PTPRT: variants seen among roughly 807,000 people sequenced by gnomAD.
PTPRT encodes the protein receptor-type tyrosine-protein phosphatase T.
Under a neutral mutation model 176.8 loss-of-function variants are expected in PTPRT, and 56 were observed. That is an observed-to-expected ratio of 0.32 (90% CI 0.26 to 0.40). The LOEUF (loss-of-function observed/expected upper bound fraction) is 0.40. Among genes scored for constraint, PTPRT ranks in the 10% least tolerant of loss-of-function variants. The pLI, the probability that PTPRT is intolerant of heterozygous loss-of-function variation, is 1.00. For missense variants in PTPRT, 1,540 were observed against 1,908.2 expected (o/e 0.81, Z 3.60); for synonymous variants, 783 against 739.0 (o/e 1.06, Z -0.96).
At chr20:42,824,296 GTC>G (rs2077953127) in intron 2 of PTPRT, among the ~76,000 whole-genome samples, 1 of 151,964 alleles carries the variant, frequency 6.6e-6, no homozygotes, top group African/African-American at 2.4e-5. Flanking sequence ...GACACAAAGA[GTC>G]TCTCTCTCTT....
At chr20:42,662,950 C>A (rs1296726294) in intron 7 of PTPRT, among the ~76,000 whole-genome samples, 1 of 150,346 alleles carries the variant, frequency 6.7e-6, no homozygotes, top group African/African-American at 2.5e-5. Flanking sequence ...GACCCACAGT[C>A]TCAATACCTG....
In PTPRT at chr20:42,281,076, T is replaced by A. The variant is rs111536031; in HGVS notation, c.2176+1413A>T. Among the ~76,000 whole-genome samples the A allele has an allele frequency of 2.6e-3, 403 of 152,258 alleles. 1 individual carries two copies. Among genetic ancestry groups the A allele is most frequent in the African/African-American group, 9.2e-3 (383 of 41,530 alleles). On this transcript the variant is annotated intron_variant, in intron 13 of 30. Coordinates refer to ENST00000373187, the MANE Select transcript of PTPRT (RefSeq NM_007050.6). The stretch of plus-strand genomic sequence containing the variant: ...GAGTTTCCTTCCCTCTCCAGCTGCT[T>A]ATTTAAGCAGGCTGCAGACACCTAG...
chr20:43,160,373 G>A (rs186554120), intron 1 of PTPRT, among the ~76,000 whole-genome samples: 1 of 152,186 alleles, frequency 6.6e-6, no homozygotes, highest in Admixed American at 6.5e-5. Flanking sequence ...AGTTAGCAAC[G>A]GTCCCAAAGA....
chr20:43,011,296 T>C (rs1824366757), intron 1 of PTPRT, among the ~76,000 whole-genome samples: 1 of 152,048 alleles, frequency 6.6e-6, no homozygotes, highest in African/African-American at 2.4e-5. Context: ...CTCCTGAATA[T>C]GAATGGGGAA....
rs138280317 is a variant in PTPRT, at chr20:42,851,967, T to C, written c.214+33840A>G. Among the ~76,000 whole-genome samples, 30 of 152,372 alleles carry C rather than the reference T, an allele frequency of 2.0e-4. No individual in the cohort carries two copies. The East Asian group carries it at 4.0e-3, about 21-fold the overall frequency. ...ACGATTTAAGTCTACCATTATCACATAGTAAGTATTTACATAGACACAAAT... is the reference window on the plus strand; with the variant it reads ...ACGATTTAAGTCTACCATTATCACACAGTAAGTATTTACATAGACACAAAT... On this transcript the variant is annotated intron_variant, in intron 2 of 30. Transcript: ENST00000373187.
At chr20:42,773,747 C>G (rs186568466) in intron 4 of PTPRT, among the ~76,000 whole-genome samples, 25 of 152,254 alleles carry the variant, frequency 1.6e-4, no homozygotes, top group Admixed American at 6.5e-5. Flanking sequence ...TAGAGTGAAC[C>G]TTGGAAGCCT....
At chr20:42,212,981 G>A (rs2055680700) in intron 15 of PTPRT, among the ~76,000 whole-genome samples, 1 of 152,092 alleles carries the variant, frequency 6.6e-6, no homozygotes, top group East Asian at 1.9e-4. Flanking sequence ...AATTTAATTG[G>A]TCTGGGGTGC....
chr20:42,250,589 G>A (rs748282509), intron 13 of PTPRT, among the ~76,000 whole-genome samples: 1 of 152,130 alleles, frequency 6.6e-6, no homozygotes, highest in Non-Finnish European at 1.5e-5. Context: ...ACTTGGCCAA[G>A]TCTCTCTAGT....
At chr20:42,241,808 G>T (rs2056359352) in intron 14 of PTPRT, among the ~76,000 whole-genome samples, 1 of 152,082 alleles carries the variant, frequency 6.6e-6, no homozygotes, top group Non-Finnish European at 1.5e-5. Context: ...GACACATTTT[G>T]TTTGGGCGTT....
chr20:42,080,411 G>A lies in PTPRT; in HGVS notation c.*468C>T, dbSNP rs1010267441. Reference sequence around the variant, plus strand: ...CAGAGGCCCCTGAAGGAGGTTGCAGGGGGCAGCAGAGCAGTGACCCCCAAG... The same window carrying A: ...CAGAGGCCCCTGAAGGAGGTTGCAGAGGGCAGCAGAGCAGTGACCCCCAAG... On this transcript the variant is annotated 3_prime_UTR_variant, in exon 31 of 31. Transcript: ENST00000373187. 4.3e-6 allele frequency: 1 copy of A among 233,926 alleles called. No individual in the cohort carries two copies. Among genetic ancestry groups the A allele is most frequent in the Non-Finnish European group, 8.4e-6 (1 of 118,782 alleles). 14.5% of individuals were successfully genotyped at this position (233,926 alleles called of 1,614,324 possible).
chr20:42,242,255 C>A (rs1187851724), intron 14 of PTPRT, among the ~76,000 whole-genome samples: 1 of 152,194 alleles, frequency 6.6e-6, no homozygotes, highest in Non-Finnish European at 1.5e-5. Flanking sequence ...TTAATGTTGA[C>A]ATTTAGGTCT....
intron 7 of PTPRT, among the ~76,000 whole-genome samples, chr20:42,609,356 G>A (rs2073935963): frequency 6.6e-6 from 1 of 152,112 alleles, no homozygotes; most frequent in Admixed American, 6.5e-5. Context: ...TTGCAGACTT[G>A]AGCCACCGCA....
At chr20:43,083,362 ATATATATAC>A (rs2011515957) in intron 1 of PTPRT, among the ~76,000 whole-genome samples, 1 of 125,748 alleles carries the variant, frequency 8.0e-6, no homozygotes, top group African/African-American at 3.5e-5. Flanking sequence ...ATATATATAT[ATATATATAC>A]ATTTTTTGAG....
At chr20:42,946,327 C>G (rs1396747666) in intron 1 of PTPRT, among the ~76,000 whole-genome samples, 2 of 152,096 alleles carry the variant, frequency 1.3e-5, no homozygotes, top group African/African-American at 2.4e-5. Context: ...TTGAGGACAC[C>G]AGAGTCCAGC....
chr20:42,905,446 G>A (rs1418012279), intron 1 of PTPRT, among the ~76,000 whole-genome samples: 2 of 152,168 alleles, frequency 1.3e-5, no homozygotes, highest in Non-Finnish European at 2.9e-5. Flanking sequence ...TGGAGAAATA[G>A]GAACACTTTT....
intron 1 of PTPRT, among the ~76,000 whole-genome samples, chr20:42,986,045 G>A (rs927298050): frequency 2.6e-5 from 4 of 152,118 alleles, no homozygotes; most frequent in African/African-American, 7.2e-5. Context: ...AAGTTACCGC[G>A]GATCATTTCA....
intron 1 of PTPRT, among the ~76,000 whole-genome samples, chr20:43,031,047 T>C (rs4812667): frequency 0.3 from 46,049 of 152,024 alleles, 9,173 homozygotes; most frequent in African/African-American, 0.56. Flanking sequence ...GCTGATCACC[T>C]AGGGAGCTCT....
In PTPRT at chr20:42,756,613, G is replaced by A. The variant is rs1490167938; in HGVS notation, c.708C>T (p.Ala236=). The A allele has an allele frequency of 1.3e-6, 2 of 1,598,294 alleles. No homozygotes were observed. The highest frequency in any genetic ancestry group is 1.7e-6 in the Non-Finnish European group (2 of 1,169,946). The change falls in exon 6 of 31, where the codon GCC becomes GCT. Residue 236 remains alanine (A), a synonymous_variant. Coordinates refer to ENST00000373187, the MANE Select transcript of PTPRT (RefSeq NM_007050.6). ...GGTTGACCACACGGGTGACCATCAG[G>A]GCCGTGTCCCTGCCATTCCATTGCT... ...WLQQWNGRDT[A]LMVTRVVNHR...
chr20:42,640,107 T>C (rs2074707041), intron 7 of PTPRT, among the ~76,000 whole-genome samples: 1 of 152,146 alleles, frequency 6.6e-6, no homozygotes, highest in South Asian at 2.1e-4. Flanking sequence ...ACCACACCTC[T>C]GTACCTGCCC....
Sources: gnomAD v4.1 joint callset for allele counts (sites outside exome capture counted in the v4.1 genomes callset) on GRCh38, gnomAD v4.1.1 for gene constraint, MANE v1.5 for transcripts, NCBI Gene and HGNC (gene_info 2026-07-23, HGNC 2026-07-21) for gene names.